The following MICAL2 variants were observed in gnomAD, a reference collection of about 807,000 sequenced individuals.
The protein encoded by MICAL2 is [F-actin]-monooxygenase MICAL2.
MICAL2 carries 77 observed loss-of-function variants against 127.3 expected under a neutral mutation model. The observed-to-expected ratio is 0.60, with a 90% CI of 0.50 to 0.73. The LOEUF is 0.73. Among genes scored for constraint, MICAL2 ranks in the 30% least tolerant of loss-of-function variants. The pLI, the probability that MICAL2 is intolerant of heterozygous loss-of-function variation, is 0.00. For synonymous variants in MICAL2, 570 were observed against 551.1 expected, an observed-to-expected ratio of 1.03 and a Z score of -0.48; for missense variants, 1,351 against 1,434.4, an observed-to-expected ratio of 0.94 and a Z score of 0.94.
intron 3 of MICAL2, among the ~76,000 whole-genome samples, chr11:12,188,089 T>A (rs1467408087): frequency 1.3e-5 from 2 of 152,240 alleles, no homozygotes; most frequent in Non-Finnish European, 2.9e-5. Flanking sequence ...ACAAGCCACG[T>A]GGCTAGGGCA....
chr11:12,294,783 C>T (rs766273412), downstream of MICAL2: 10 of 1,608,008 alleles, frequency 6.2e-6, no homozygotes, highest in Non-Finnish European at 6.8e-6. Context: ...AAAAGCACCT[C>T]CCTGCGCCAG....
At chr11:12,236,429 G>A (rs3794083) in intron 16 of MICAL2, among the ~76,000 whole-genome samples, 184 bp downstream of exon 16, 25,095 of 152,190 alleles carry the variant, frequency 0.16, 3,039 homozygotes, top group East Asian at 0.53. Flanking sequence ...CTTACTAGCT[G>A]TGTAACCTTG....
At chr11:12,162,477 G>C (rs955337996) in intron 3 of MICAL2, 58 bp downstream of exon 3, 1 of 1,591,578 alleles carries the variant, frequency 6.3e-7, no homozygotes, top group Non-Finnish European at 8.6e-7. Flanking sequence ...ACATTTGGGA[G>C]GTTAGGAAGC....
At chr11:12,190,351 A>C (rs967253974) in intron 3 of MICAL2, among the ~76,000 whole-genome samples, 3 of 152,124 alleles carry the variant, frequency 2.0e-5, no homozygotes, top group African/African-American at 7.2e-5. Context: ...TCAGATGTGT[A>C]TCCAACCCCC....
intron 32 of MICAL2, among the ~76,000 whole-genome samples, chr11:12,347,648 T>A (rs1051697343): frequency 2.6e-5 from 4 of 152,068 alleles, no homozygotes; most frequent in Non-Finnish European, 5.9e-5. Context: ...TAAAAAATAA[T>A]ACAGATAGAA....
downstream of MICAL2, chr11:12,294,745 G>C: frequency 1.2e-6 from 2 of 1,613,724 alleles, no homozygotes; most frequent in Admixed American, 3.3e-5. Context: ...ATAGTGCGCA[G>C]GCCCTGGAGA....
chr11:12,250,215 C>A (rs1247955008), intron 22 of MICAL2: 1 of 152,170 alleles, frequency 6.6e-6, no homozygotes, highest in East Asian at 1.9e-4. Context: ...AGAGAGAAGT[C>A]CCAGAACATG....
At chr11:12,308,456 A>G (rs1864137830) in intron 29 of MICAL2, among the ~76,000 whole-genome samples, 1 of 151,992 alleles carries the variant, frequency 6.6e-6, no homozygotes, top group Non-Finnish European at 1.5e-5. Context: ...TGGTTTTTTT[A>G]GTTTTCAGTG....
Position 12,281,058 on chromosome 11 carries a change from C to T in MICAL2, c.215C>T (p.Ala72Val), listed in dbSNP as rs1292513637. 4 of 399,028 alleles carry T rather than the reference C, an allele frequency of 1.0e-5. No homozygotes were observed. The Admixed American group carries it at 1.8e-4, about 18-fold the overall frequency. The allele number at this position is 399,028 out of a possible 1,614,324, so 24.7% of individuals were successfully genotyped here. A position where few individuals can be genotyped will look rare whatever the true frequency, so the allele number is the denominator to read the frequency against. The change falls in exon 2 of 3, where the codon GCA becomes GTA. Residue 72 changes from alanine to valine, a missense_variant. By Grantham distance (64) the Ala-to-Val change is moderately conservative. Transcript: ENST00000529028. ...TCCCTAGGGGAGGCCCTGAGCAGGG[C>T]AGTCTCTCCACAGTGCCCTGAGGAG...
At chr11:12,311,728 C>T (rs1011534614) in intron 29 of MICAL2, among the ~76,000 whole-genome samples, 51 of 152,148 alleles carry the variant, frequency 3.4e-4, no homozygotes, top group Admixed American at 1.3e-4. Context: ...ATATCTTTAT[C>T]AGGTTTTGGT....
At chr11:12,206,385 G>T (rs1854687978) in intron 4 of MICAL2, among the ~76,000 whole-genome samples, 1 of 152,116 alleles carries the variant, frequency 6.6e-6, no homozygotes, top group Non-Finnish European at 1.5e-5. Flanking sequence ...ATTGAGACAG[G>T]CAGAATGATC....
At chr11:12,192,985 A>G (rs1446491984) in intron 3 of MICAL2, among the ~76,000 whole-genome samples, 1 of 152,194 alleles carries the variant, frequency 6.6e-6, no homozygotes, top group Non-Finnish European at 1.5e-5. Context: ...CGTCAGAGGT[A>G]ATAAGCTGCT....
downstream of MICAL2, among the ~76,000 whole-genome samples, chr11:12,287,632 C>T (rs1863842417): frequency 1.3e-5 from 2 of 152,150 alleles, no homozygotes; most frequent in Non-Finnish European, 2.9e-5. Context: ...CACACACTCA[C>T]ACCCCTACAC....
At chr11:12,228,707 C>T (rs564493847) in intron 15 of MICAL2, among the ~76,000 whole-genome samples, 3 of 152,274 alleles carry the variant, frequency 2.0e-5, no homozygotes, top group East Asian at 1.9e-4. Context: ...AGCGCTTCTA[C>T]GGGATGGGCC....
At position 12,244,122 on chromosome 11, in the gene MICAL2, C is replaced by T. The variant is rs1311259807; in HGVS notation, c.2784+10C>T. ...TTCTCCTGCCAGAAAGGTAGTTGTCCTGAACAATTTGCTTTCCCTATTCCC... is the reference window on the plus strand; with the variant it reads ...TTCTCCTGCCAGAAAGGTAGTTGTCTTGAACAATTTGCTTTCCCTATTCCC... On this transcript the variant is annotated intron_variant, in intron 21 of 27. Transcript: ENST00000683283. 2 of 1,614,096 alleles carry T rather than the reference C, an allele frequency of 1.2e-6. No individual in the cohort carries two copies. Among genetic ancestry groups the T allele is most frequent in the Admixed American group, 1.7e-5 (1 of 60,008 alleles).
At chr11:12,361,924 G>A (rs1337516229), downstream of MICAL2, among the ~76,000 whole-genome samples, 1 of 152,234 alleles carries the variant, frequency 6.6e-6, no homozygotes, top group Non-Finnish European at 1.5e-5. Flanking sequence ...GAGCTCAAAT[G>A]TAGGAGTTTA....
intron 1 of MICAL2, among the ~76,000 whole-genome samples, chr11:12,118,604 T>C (rs931476329): frequency 2.0e-5 from 3 of 152,186 alleles, no homozygotes; most frequent in Non-Finnish European, 4.4e-5. Context: ...ATTTGGGGGT[T>C]CAAAGAGCCT....
intron 3 of MICAL2, among the ~76,000 whole-genome samples, chr11:12,162,770 G>C (rs918642537): frequency 6.6e-6 from 1 of 152,228 alleles, no homozygotes. Context: ...TTATGTCCAT[G>C]ATTTCAATGA....
downstream of MICAL2, chr11:12,294,739 T>A (rs556800635): frequency 6.2e-7 from 1 of 1,613,496 alleles, no homozygotes; most frequent in African/African-American, 1.3e-5. Flanking sequence ...CTGAAGATAG[T>A]GCGCAGGCCC....
Sources: gnomAD v4.1 joint callset for allele counts (sites outside exome capture counted in the v4.1 genomes callset) on GRCh38, gnomAD v4.1.1 for gene constraint, MANE v1.5 for transcripts, NCBI Gene and HGNC (gene_info 2026-07-23, HGNC 2026-07-21) for gene names.